Variants in PPP2R2B observed in about 807,000 individuals in gnomAD.
PPP2R2B encodes the protein protein phosphatase 2 regulatory subunit Bbeta, also known as serine/threonine-protein phosphatase 2A 55 kDa regulatory subunit B beta isoform.
A neutral mutation model predicts 46.0 loss-of-function variants in PPP2R2B; 5 were observed. That is an observed-to-expected ratio of 0.11 (90% confidence interval 0.06 to 0.23). The LOEUF is 0.23. Among genes scored for constraint, PPP2R2B ranks in the 10% least tolerant of loss-of-function variants. PPP2R2B has a pLI of 1.00. For synonymous variants in PPP2R2B, 215 were observed against 206.7 expected (o/e 1.04, Z -0.34); for missense variants, 367 against 575.0 (o/e 0.64, Z 3.70).
intron 2 of PPP2R2B, among the ~76,000 whole-genome samples, chr5:146,769,070 G>T (rs1253720887): frequency 6.6e-6 from 1 of 152,106 alleles, no homozygotes; most frequent in Admixed American, 6.6e-5. Context: ...TAGAGGCAGG[G>T]TTTTGCCATG....
At chr5:146,798,125 T>C (rs1179659572) in intron 2 of PPP2R2B, among the ~76,000 whole-genome samples, 1 of 152,162 alleles carries the variant, frequency 6.6e-6, no homozygotes, top group Non-Finnish European at 1.5e-5. Flanking sequence ...GTGAGTCTGG[T>C]TTTGAGCCTC....
intron 2 of PPP2R2B, among the ~76,000 whole-genome samples, chr5:146,840,912 A>G (rs1290344627): frequency 6.6e-6 from 1 of 152,216 alleles, no homozygotes; most frequent in Non-Finnish European, 1.5e-5. Flanking sequence ...GTAGGAAGGG[A>G]GATATACATC....
At chr5:146,704,741 T>A (rs543228189) in intron 2 of PPP2R2B, among the ~76,000 whole-genome samples, 5 of 152,112 alleles carry the variant, frequency 3.3e-5, no homozygotes, top group South Asian at 2.1e-4. Context: ...ATTTTTTTTT[T>A]AAATCAATCT....
chr5:146,726,549 A>G (rs571468878), intron 2 of PPP2R2B, among the ~76,000 whole-genome samples: 42 of 152,284 alleles, frequency 2.8e-4, no homozygotes, highest in African/African-American at 9.6e-4. Context: ...CCTCATAGCA[A>G]ATCTGTTTAT....
intron 1 of PPP2R2B, among the ~76,000 whole-genome samples, chr5:146,965,871 C>T (rs541511360): frequency 6.6e-6 from 1 of 152,302 alleles, no homozygotes; most frequent in South Asian, 2.1e-4. Context: ...AGCTGTGCAT[C>T]CAGGCAAAGT....
intron 1 of PPP2R2B, among the ~76,000 whole-genome samples, chr5:146,905,888 T>C (rs570521062): frequency 6.6e-6 from 1 of 152,276 alleles, no homozygotes; most frequent in African/African-American, 2.4e-5. Flanking sequence ...TTGGGGATGA[T>C]GGAAATGTTC....
rs148037269 is a variant in PPP2R2B at position 147,079,114 on chromosome 5, A to G, written c.50+1945T>C. Reference sequence around the variant, plus strand: ...GATTGATAATTTTCTATCTGTCTTCATAGGGGCTTTAGAAGGATCTTTTGT... The same window carrying G: ...GATTGATAATTTTCTATCTGTCTTCGTAGGGGCTTTAGAAGGATCTTTTGT... On this transcript the variant is annotated intron_variant, in intron 2 of 10. Coordinates refer to the PPP2R2B transcript ENST00000394413. Among the ~76,000 whole-genome samples, 594 of 152,048 alleles carry G rather than the reference A, an allele frequency of 3.9e-3. 14 individuals are homozygous for G. In the East Asian group the frequency reaches 0.061, roughly 16 times the overall value.
chr5:146,629,828 C>T (rs769802403), intron 7 of PPP2R2B, among the ~76,000 whole-genome samples: 59 of 151,686 alleles, frequency 3.9e-4, no homozygotes, highest in African/African-American at 1.4e-3. Context: ...TCTCCCTCTC[C>T]CTTGCCCTCT....
chr5:146,986,219 GA>G (rs1753423845), intron 1 of PPP2R2B, among the ~76,000 whole-genome samples: 1 of 152,182 alleles, frequency 6.6e-6, no homozygotes, highest in Non-Finnish European at 1.5e-5. Flanking sequence ...GTTTGGGAGA[GA>G]GAGAGAAAAG....
At chr5:147,071,139 A>T (rs1757582530) in intron 2 of PPP2R2B, among the ~76,000 whole-genome samples, 1 of 151,942 alleles carries the variant, frequency 6.6e-6, no homozygotes, top group Non-Finnish European at 1.5e-5. Flanking sequence ...GGTTTATGTG[A>T]GTATGACGCC....
intron 2 of PPP2R2B, among the ~76,000 whole-genome samples, chr5:146,748,828 G>A (rs1409780940): frequency 1.3e-5 from 2 of 152,154 alleles, no homozygotes; most frequent in Non-Finnish European, 2.9e-5. Context: ...TATGAATAAT[G>A]CTGCTATAAA....
At chr5:146,835,748 A>G (rs1231253607) in intron 2 of PPP2R2B, among the ~76,000 whole-genome samples, 4 of 152,188 alleles carry the variant, frequency 2.6e-5, no homozygotes. Context: ...ACTGTACTGT[A>G]CAGATATCGG....
rs532590593 is a variant in PPP2R2B at position 146,672,710 on chromosome 5, T to G, written c.447+18418A>C. Among the ~76,000 whole-genome samples the G allele has an allele frequency of 3.3e-5, 5 of 152,334 alleles. No homozygotes were observed. The East Asian group carries it at 9.6e-4, about 29-fold the overall frequency. On this transcript the variant is annotated intron_variant, in intron 5 of 9. Transcript: ENST00000394411. ...TGGCAGACCAACCTCCCTCCCTCTA[T>G]AAGTAGTATATGCAGCTGTTCTATT...
intron 2 of PPP2R2B, among the ~76,000 whole-genome samples, chr5:146,704,646 TA>T (rs1436480333): frequency 6.6e-6 from 1 of 152,218 alleles, no homozygotes; most frequent in East Asian, 1.9e-4. Flanking sequence ...GCTCCAAATC[TA>T]TTTGTGCTGA....
upstream of PPP2R2B, chr5:147,081,515 T>C (rs1292067066): frequency 1.7e-6 from 1 of 583,324 alleles, no homozygotes; most frequent in Non-Finnish European, 3.0e-6. Flanking sequence ...GTTTTCCTTC[T>C]GTGATGGTGG....
chr5:146,941,312 G>A (rs1764315133), intron 1 of PPP2R2B, among the ~76,000 whole-genome samples: 1 of 152,038 alleles, frequency 6.6e-6, no homozygotes, highest in Non-Finnish European at 1.5e-5. Flanking sequence ...AAAACACTTG[G>A]GACCTAATTT....
At chr5:146,667,876 A>C (rs1777104360) in intron 5 of PPP2R2B, among the ~76,000 whole-genome samples, 1 of 152,128 alleles carries the variant, frequency 6.6e-6, no homozygotes. Context: ...CTTTCAGCCC[A>C]ATTGCTCAGT....
intron 1 of PPP2R2B, among the ~76,000 whole-genome samples, chr5:147,031,321 CA>C (rs1369376298): frequency 6.6e-6 from 1 of 152,138 alleles, no homozygotes; most frequent in Non-Finnish European, 1.5e-5. Flanking sequence ...CTCCTTTCAG[CA>C]TTTTAAAGCT....
At chr5:146,861,466 C>T (rs1170560919) in intron 2 of PPP2R2B, among the ~76,000 whole-genome samples, 2 of 152,154 alleles carry the variant, frequency 1.3e-5, no homozygotes, top group Admixed American at 1.3e-4. Context: ...TCTGGGATTA[C>T]AGGCGTGAGC....
Sources: gnomAD v4.1 joint callset for allele counts (sites outside exome capture counted in the v4.1 genomes callset) on GRCh38, gnomAD v4.1.1 for gene constraint, MANE v1.5 for transcripts, NCBI Gene and HGNC (gene_info 2026-07-23, HGNC 2026-07-21) for gene names.